SMKR1: variants seen among roughly 807,000 people sequenced by gnomAD.
The protein encoded by SMKR1 is small lysine-rich protein 1.
SMKR1 carries 4 observed loss-of-function variants against 4.0 expected under a neutral mutation model. That is an observed-to-expected ratio of 1.00 (90% CI 0.49 to 2.30). SMKR1 has a LOEUF of 2.30. SMKR1 is among the 30% of genes most tolerant of loss of function. The probability of loss-of-function intolerance (pLI) is 0.02; values close to 1 mark genes in which losing one functional copy is unlikely to be tolerated. For synonymous variants in SMKR1, 38 were observed against 32.5 expected, an observed-to-expected ratio of 1.17 and a Z score of -0.58; for missense variants, 56 against 81.8, an observed-to-expected ratio of 0.68 and a Z score of 1.22.
At position 129,512,821 on chromosome 7, in the gene SMKR1, C is replaced by T. The variant is rs151013542; in HGVS notation, c.*380C>T. The T allele has an allele frequency of 2.5e-3, 406 of 160,614 alleles. 1 individual carries two copies. Among genetic ancestry groups the T allele is most frequent in the Non-Finnish European group, 4.3e-3 (318 of 74,452 alleles). The allele number at this position is 160,614 out of a possible 1,614,324, so 9.9% of individuals were successfully genotyped here. Reference sequence around the variant, plus strand: ...GAGCGTTTGTCATTTAGAGAAGACACGGCAAGAAACACTGGGTTTCCTTAG... The same window carrying T: ...GAGCGTTTGTCATTTAGAGAAGACATGGCAAGAAACACTGGGTTTCCTTAG... On this transcript the variant is annotated 3_prime_UTR_variant, in exon 2 of 2. Coordinates refer to ENST00000462322, the MANE Select transcript of SMKR1 (RefSeq NM_001195243.2).
At position 129,502,556 on chromosome 7, in the gene SMKR1, G is replaced by T. The variant is rs1359261040; in HGVS notation, c.-269G>T. On this transcript the variant is annotated 5_prime_UTR_variant, in exon 1 of 2. Transcript: ENST00000462322. ...GCACGCCGGCCCAGCGCCCACAGCT[G>T]CGGCGGCCTAGGTGCCGCGTGGGGC... is the stretch of plus-strand genomic sequence containing the variant. 5 of 356,770 alleles carry T rather than the reference G, an allele frequency of 1.4e-5. No homozygotes were observed. Among genetic ancestry groups the T allele is most frequent in the Non-Finnish European group, 2.5e-5 (5 of 202,066 alleles). The allele number at this position is 356,770 out of a possible 1,614,324, so 22.1% of individuals were successfully genotyped here.
chr7:129,510,737 G>A lies in SMKR1; in HGVS notation c.4-1510G>A, dbSNP rs562560110. Among the ~76,000 whole-genome samples, 1,144 of 152,164 alleles carry A rather than the reference G, an allele frequency of 7.5e-3. 8 individuals are homozygous for A. The highest frequency in any genetic ancestry group is 0.014 in the Middle Eastern group (4 of 294). On this transcript the variant is annotated intron_variant, in intron 1 of 1. Coordinates refer to ENST00000462322, the MANE Select transcript of SMKR1 (RefSeq NM_001195243.2). ...AGCAAGACCCTGTCTCCAAAAAAAA[G>A]GAAGGTGATGACAGTCATCATTTAT...
chr7:129,510,893 C>A (rs1799519753), intron 1 of SMKR1, among the ~76,000 whole-genome samples: 1 of 152,144 alleles, frequency 6.6e-6, no homozygotes, highest in African/African-American at 2.4e-5. Flanking sequence ...ACTGCAACCT[C>A]TGGCTCCTGG....
intron 1 of SMKR1, among the ~76,000 whole-genome samples, chr7:129,504,233 T>C (rs1195984322): frequency 1.3e-5 from 2 of 152,232 alleles, no homozygotes; most frequent in Admixed American, 1.3e-4. Context: ...GTCAAACACA[T>C]TAGTGCACAG....
At position 129,512,731 on chromosome 7, in the gene SMKR1, G is replaced by A. The variant is rs1799540000; in HGVS notation, c.*290G>A. 3.7e-6 allele frequency: 1 copy of A among 267,782 alleles called. No homozygotes were observed. Among genetic ancestry groups the A allele is most frequent in the Non-Finnish European group, 6.9e-6 (1 of 145,020 alleles). 16.6% of individuals were successfully genotyped at this position (267,782 alleles called of 1,614,324 possible). On this transcript the variant is annotated 3_prime_UTR_variant, in exon 2 of 2. Coordinates refer to ENST00000462322, the MANE Select transcript of SMKR1 (RefSeq NM_001195243.2). ...ACTTTCAGAAATTATTATAATTCTG[G>A]GTCAGGATTAAACTTTGCTCTCAGA...
intron 1 of SMKR1, among the ~76,000 whole-genome samples, chr7:129,508,415 A>T (rs1156882391): frequency 6.6e-6 from 1 of 152,156 alleles, no homozygotes; most frequent in Admixed American, 6.6e-5. Flanking sequence ...GAAATAAGGT[A>T]GTATTAGTCT....
intron 1 of SMKR1, among the ~76,000 whole-genome samples, chr7:129,511,441 T>A (rs1353078517): frequency 1.3e-5 from 2 of 152,206 alleles, no homozygotes; most frequent in East Asian, 3.8e-4. Context: ...GATTTCAGTG[T>A]GCACTTCAGA....
At chr7:129,503,406 A>G (rs1414153228) in intron 1 of SMKR1, among the ~76,000 whole-genome samples, 1 of 152,320 alleles carries the variant, frequency 6.6e-6, no homozygotes, top group East Asian at 1.9e-4. Flanking sequence ...TAAGTACTGC[A>G]CGCTTGAGCT....
At chr7:129,503,205 C>T (rs1441748981) in intron 1 of SMKR1, among the ~76,000 whole-genome samples, 1 of 151,890 alleles carries the variant, frequency 6.6e-6, no homozygotes, top group East Asian at 1.9e-4. Flanking sequence ...GCGGGATTCT[C>T]CACTGCTCTG....
chr7:129,511,262 A>G (rs79566219), intron 1 of SMKR1, among the ~76,000 whole-genome samples: 8,842 of 152,336 alleles, frequency 0.058, 585 homozygotes, highest in East Asian at 0.18. Context: ...ATTTCCAAAC[A>G]TAAATGAAAA....
At chr7:129,511,651 C>G (rs1166699630) in intron 1 of SMKR1, among the ~76,000 whole-genome samples, 1 of 152,138 alleles carries the variant, frequency 6.6e-6, no homozygotes, top group African/African-American at 2.4e-5. Context: ...AAACATTTGT[C>G]AAATTAGATT....
chr7:129,503,167 A>G (rs978126304), intron 1 of SMKR1, among the ~76,000 whole-genome samples: 1 of 151,744 alleles, frequency 6.6e-6, no homozygotes, highest in African/African-American at 2.4e-5. Flanking sequence ...CCGAGCTGTT[A>G]GCTGCCGTAG....
Position 129,502,610 on chromosome 7 carries a change from C to A in SMKR1, c.-215C>A. The A allele has an allele frequency of 6.8e-6, 4 of 592,430 alleles. No individual in the cohort carries two copies. In the South Asian group the frequency reaches 1.0e-4, roughly 15 times the overall value. The allele number at this position is 592,430 out of a possible 1,614,324, so 36.7% of individuals were successfully genotyped here. On this transcript the variant is annotated 5_prime_UTR_variant, in exon 1 of 2. Transcript: ENST00000462322. ...CAGGTGCCTCGCGTCCAGGCGGCTC[C>A]GCGGCTGGCTGCCTCCCGAGCCGGC...
intron 1 of SMKR1, among the ~76,000 whole-genome samples, chr7:129,506,732 G>T: frequency 1.3e-5 from 2 of 148,634 alleles, no homozygotes; most frequent in Admixed American, 6.7e-5. Flanking sequence ...TAATTATTTG[G>T]AAATTCATCC....
chr7:129,504,526 G>A (rs1273791030), intron 1 of SMKR1, among the ~76,000 whole-genome samples: 1 of 149,170 alleles, frequency 6.7e-6, no homozygotes, highest in African/African-American at 2.5e-5. Context: ...AGGCATTATA[G>A]GGTCTTTCTT....
At chr7:129,511,552 G>T (rs1177059717) in intron 1 of SMKR1, among the ~76,000 whole-genome samples, 1 of 152,198 alleles carries the variant, frequency 6.6e-6, no homozygotes, top group African/African-American at 2.4e-5. Flanking sequence ...TTAACTCAAA[G>T]ACATCTTTTT....
chr7:129,511,017 C>T (rs1018117090), intron 1 of SMKR1, among the ~76,000 whole-genome samples: 8 of 152,168 alleles, frequency 5.3e-5, no homozygotes, highest in Non-Finnish European at 1.2e-4. Context: ...CCTTATTGGC[C>T]AGGCTGGTCT....
chr7:129,508,702 C>G (rs1799493791), intron 1 of SMKR1, among the ~76,000 whole-genome samples: 1 of 152,136 alleles, frequency 6.6e-6, no homozygotes, highest in Non-Finnish European at 1.5e-5. Flanking sequence ...CCTCAGTCTC[C>G]CAGAGTGTGA....
chr7:129,507,541 G>T (rs1799482506), intron 1 of SMKR1, among the ~76,000 whole-genome samples: 1 of 152,196 alleles, frequency 6.6e-6, no homozygotes, highest in Non-Finnish European at 1.5e-5. Context: ...TCCACCTTAG[G>T]AGTGGAATGG....
Sources: allele counts gnomAD v4.1 joint callset (sites outside exome capture counted in the v4.1 genomes callset), GRCh38; gene constraint gnomAD v4.1.1; transcripts MANE v1.5; gene names NCBI Gene and HGNC (gene_info 2026-07-23, HGNC 2026-07-21).